The following EEIG2 variants were observed in gnomAD, a reference collection of about 807,000 sequenced individuals.
EEIG2 encodes family with sequence similarity 102 member B.
chr1:108,608,798 CAA>C, the EEIG2 span, among the ~76,000 whole-genome samples: 1 of 152,182 alleles, frequency 6.6e-6, no homozygotes, highest in African/African-American at 2.4e-5. Flanking sequence ...GTGATTTAAA[CAA>C]CGTTTATTTC....
At chr1:108,620,886 A>AGCATACAGTGTCACTGGG in the EEIG2 span, among the ~76,000 whole-genome samples, 2 of 152,194 alleles carry the variant, frequency 1.3e-5, no homozygotes, top group African/African-American at 4.8e-5. Context: ...ACAGGCACAC[A>AGCATACAGTGTCACTGGG]GCATACAGTG....
chr1:108,622,665 A>G, the EEIG2 span, among the ~76,000 whole-genome samples: 1 of 152,214 alleles, frequency 6.6e-6, no homozygotes, highest in Non-Finnish European at 1.5e-5. Flanking sequence ...AATACTTGAA[A>G]GCGTCTCAAT....
chr1:108,620,582 T>G, the EEIG2 span, among the ~76,000 whole-genome samples: 1 of 152,292 alleles, frequency 6.6e-6, no homozygotes, highest in African/African-American at 2.4e-5. Flanking sequence ...ATAAGTCTCT[T>G]GAATAGCAAG....
chr1:108,597,185 C>G, the EEIG2 span, among the ~76,000 whole-genome samples: 9 of 152,292 alleles, frequency 5.9e-5, no homozygotes, highest in Admixed American at 1.3e-4. Flanking sequence ...GCTGATTTGG[C>G]TGGCTGTGTC....
the EEIG2 span, among the ~76,000 whole-genome samples, chr1:108,599,407 C>T: frequency 2.0e-5 from 3 of 152,114 alleles, no homozygotes; most frequent in African/African-American, 7.2e-5. Flanking sequence ...CTTTTGCTTT[C>T]TCTAGTTTTC....
the EEIG2 span, among the ~76,000 whole-genome samples, chr1:108,587,515 T>C: frequency 2.0e-5 from 3 of 152,180 alleles, no homozygotes; most frequent in South Asian, 2.1e-4. Flanking sequence ...CCCACCATCA[T>C]AGCATCATAC....
chr1:108,589,024 T>C, the EEIG2 span, among the ~76,000 whole-genome samples: 1 of 152,300 alleles, frequency 6.6e-6, no homozygotes, highest in Non-Finnish European at 1.5e-5. Context: ...AATTTCTCAT[T>C]AGAACAGTTC....
At chr1:108,608,779 A>G in the EEIG2 span, among the ~76,000 whole-genome samples, 3 of 152,344 alleles carry the variant, frequency 2.0e-5, no homozygotes, top group South Asian at 2.1e-4. Context: ...GCAGATTACC[A>G]TAGATTAGGT....
At chr1:108,592,627 G>T in the EEIG2 span, among the ~76,000 whole-genome samples, 1 of 152,108 alleles carries the variant, frequency 6.6e-6, no homozygotes, top group African/African-American at 2.4e-5. Context: ...CATTGGGTGG[G>T]ACTCTACGGG....
chr1:108,590,443 C>T, the EEIG2 span, among the ~76,000 whole-genome samples: 1 of 152,110 alleles, frequency 6.6e-6, no homozygotes, highest in South Asian at 2.1e-4. Flanking sequence ...TATATACATC[C>T]TTGATAATAA....
At chr1:108,593,886 G>A in the EEIG2 span, among the ~76,000 whole-genome samples, 4 of 152,026 alleles carry the variant, frequency 2.6e-5, no homozygotes. Context: ...GCTCACTACA[G>A]CCTCAACCTC....
At chr1:108,634,880 T>C in the EEIG2 span, among the ~76,000 whole-genome samples, 1 of 152,206 alleles carries the variant, frequency 6.6e-6, no homozygotes, top group Non-Finnish European at 1.5e-5. Flanking sequence ...TCTAATAGAT[T>C]ATTGTGGGAA....
At chr1:108,633,499 A>G in the EEIG2 span, among the ~76,000 whole-genome samples, 1 of 152,206 alleles carries the variant, frequency 6.6e-6, no homozygotes, top group African/African-American at 2.4e-5. Context: ...TGTGTTGCCC[A>G]GGATACAGCC....
the EEIG2 span, among the ~76,000 whole-genome samples, chr1:108,591,117 A>G: frequency 5.3e-5 from 8 of 152,352 alleles, no homozygotes; most frequent in South Asian, 6.2e-4. Context: ...TATAAAAGTC[A>G]TAGGAAATTA....
At chr1:108,608,071 C>A in the EEIG2 span, among the ~76,000 whole-genome samples, 2 of 152,318 alleles carry the variant, frequency 1.3e-5, no homozygotes, top group South Asian at 4.1e-4. Context: ...CTACTGTCAT[C>A]TGCACATGAA....
chr1:108,624,723 T>C, the EEIG2 span: 31 of 1,613,942 alleles, frequency 1.9e-5, no homozygotes, highest in Non-Finnish European at 2.5e-5. Flanking sequence ...GTGGAGAGAC[T>C]CTCAAAGTGC....
At chr1:108,606,278 T>C in the EEIG2 span, 2 of 1,509,568 alleles carry the variant, frequency 1.3e-6, no homozygotes, top group East Asian at 2.3e-5. Context: ...TTTAACTGTT[T>C]TGGAACATGT....
the EEIG2 span, among the ~76,000 whole-genome samples, chr1:108,616,880 C>T: frequency 1.3e-4 from 19 of 151,108 alleles, no homozygotes; most frequent in African/African-American, 3.2e-4. Flanking sequence ...AATATACAAA[C>T]GGTTCATAAG....
At chr1:108,588,462 T>C in the EEIG2 span, among the ~76,000 whole-genome samples, 3 of 152,198 alleles carry the variant, frequency 2.0e-5, no homozygotes, top group African/African-American at 7.2e-5. Flanking sequence ...TTAATGATGT[T>C]GAGCATCTTT....
Sources: allele counts gnomAD v4.1 joint callset (sites outside exome capture counted in the v4.1 genomes callset), GRCh38; gene constraint gnomAD v4.1.1; transcripts MANE v1.5; gene names NCBI Gene and HGNC (gene_info 2026-07-23, HGNC 2026-07-21).